ESYT2: variants seen among roughly 807,000 people sequenced by gnomAD.
The protein encoded by ESYT2 is extended synaptotagmin 2.
A neutral mutation model predicts 107.2 loss-of-function variants in ESYT2; 54 were observed. The observed-to-expected ratio is 0.50, with a 90% CI of 0.40 to 0.63. The LOEUF (loss-of-function observed/expected upper bound fraction) is 0.63. Ranked by LOEUF, ESYT2 falls within the 30% of genes least tolerant of loss-of-function variation. The probability of loss-of-function intolerance (pLI) is 0.00; values close to 1 mark genes in which losing one functional copy is unlikely to be tolerated. For synonymous variants in ESYT2, 491 were observed against 434.1 expected, an observed-to-expected ratio of 1.13 and a Z score of -1.63; for missense variants, 1,020 against 1,094.5, an observed-to-expected ratio of 0.93 and a Z score of 0.96.
intron 1 of ESYT2, among the ~76,000 whole-genome samples, chr7:158,822,022 C>A (rs745703110): frequency 6.6e-5 from 10 of 152,142 alleles, no homozygotes; most frequent in Admixed American, 5.2e-4. Context: ...CTTCTAACTA[C>A]TCTGAGCAGA....
At chr7:158,780,606 G>A (rs1204477775) in intron 6 of ESYT2, among the ~76,000 whole-genome samples, 3 of 152,230 alleles carry the variant, frequency 2.0e-5, no homozygotes, top group Admixed American at 1.3e-4. Flanking sequence ...AAACAAGGAA[G>A]TTTTAGTATA....
intron 1 of ESYT2, among the ~76,000 whole-genome samples, chr7:158,808,376 C>G (rs1038445574): frequency 6.6e-6 from 1 of 152,236 alleles, no homozygotes; most frequent in Non-Finnish European, 1.5e-5. Context: ...ATCGTCAGCT[C>G]AAGTGTCGTG....
intron 13 of ESYT2, among the ~76,000 whole-genome samples, chr7:158,755,151 G>A (rs1837710888): frequency 6.6e-6 from 1 of 152,158 alleles, no homozygotes; most frequent in African/African-American, 2.4e-5. Flanking sequence ...TGGTGGCAAT[G>A]CACTCCTGGA....
At chr7:158,788,226 G>T in intron 5 of ESYT2, 119 bp downstream of exon 5, 2 of 1,178,118 alleles carry the variant, frequency 1.7e-6, no homozygotes, top group Non-Finnish European at 2.4e-6. Flanking sequence ...ATGACCTACA[G>T]CTAAAAACTG....
chr7:158,826,041 C>A (rs200810126), intron 1 of ESYT2, among the ~76,000 whole-genome samples: 94 of 147,598 alleles, frequency 6.4e-4, no homozygotes, highest in East Asian at 2.0e-3. Context: ...AAAACAAAAA[C>A]AAACCCAAAG....
At chr7:158,815,208 G>C (rs1029087085) in intron 1 of ESYT2, among the ~76,000 whole-genome samples, 1 of 152,250 alleles carries the variant, frequency 6.6e-6, no homozygotes, top group Non-Finnish European at 1.5e-5. Flanking sequence ...CTATCCACAC[G>C]GTCTTCCGCC....
intron 6 of ESYT2, among the ~76,000 whole-genome samples, chr7:158,774,334 A>G (rs1403887348): frequency 6.6e-6 from 1 of 152,224 alleles, no homozygotes; most frequent in East Asian, 1.9e-4. Flanking sequence ...CTGAAAGGCT[A>G]AGATTTCTCA....
At chr7:158,776,431 A>G (rs1192804343) in intron 6 of ESYT2, among the ~76,000 whole-genome samples, 1 of 152,244 alleles carries the variant, frequency 6.6e-6, no homozygotes, top group African/African-American at 2.4e-5. Context: ...AGCCACCTTT[A>G]TCAATGATCT....
chr7:158,776,204 G>A (rs560664285), intron 6 of ESYT2, among the ~76,000 whole-genome samples: 26 of 151,662 alleles, frequency 1.7e-4, no homozygotes, highest in African/African-American at 5.1e-4. Flanking sequence ...TAGATATAGC[G>A]TGATTCTTAA....
Position 158,829,429 on chromosome 7 carries a change from T to C in ESYT2, c.-11A>G, listed in dbSNP as rs1188950620. 7 of 1,185,320 alleles carry C rather than the reference T, an allele frequency of 5.9e-6. No individual in the cohort carries two copies. Among genetic ancestry groups the C allele is most frequent in the African/African-American group, 1.6e-5 (1 of 61,854 alleles). The allele number at this position is 1,185,320 out of a possible 1,614,324, so 73.4% of individuals were successfully genotyped here. A position where few individuals can be genotyped will look rare whatever the true frequency, so the allele number is the denominator to read the frequency against. On this transcript the variant is annotated 5_prime_UTR_variant, in exon 1 of 23. Transcript: ENST00000275418. ...CCGGGCGCCGCTCATCGCCCCGCAG[T>C]GCCGCGCTGCCCTCCCGGCCGAGGC...
Position 158,741,650 on chromosome 7 carries a change from T to A in ESYT2, c.2041A>T (p.Ser681Cys). The A allele has an allele frequency of 6.2e-7, 1 of 1,613,890 alleles. No individual in the cohort carries two copies. Among genetic ancestry groups the A allele is most frequent in the Non-Finnish European group, 8.5e-7 (1 of 1,180,000 alleles). Residue 681 changes from serine (S) to cysteine (C), a missense_variant, in exon 18 of 23, where the codon AGC becomes TGC. Ser to Cys is a moderately radical substitution (Grantham distance 112, BLOSUM62 -1). Coordinates refer to ENST00000275418, the MANE Select transcript of ESYT2 (RefSeq NM_001367773.1). The part of the protein sequence containing the change: ...GPQGLHDLGR[S>C]SSSLLASPGH... Reference sequence around the variant, plus strand: ...GGGGAGGCCAGGAGGCTGGAGGAGCTTCTGCCCAGGTCGTGCAGCCCCTGA... The same window carrying A: ...GGGGAGGCCAGGAGGCTGGAGGAGCATCTGCCCAGGTCGTGCAGCCCCTGA...
At chr7:158,746,649 A>C (rs1380975296) in intron 16 of ESYT2, among the ~76,000 whole-genome samples, 1 of 152,226 alleles carries the variant, frequency 6.6e-6, no homozygotes, top group Non-Finnish European at 1.5e-5. Context: ...AATTTCTGGA[A>C]AGTTGCTAAG....
intron 6 of ESYT2, among the ~76,000 whole-genome samples, chr7:158,780,520 C>A (rs1441133046): frequency 6.6e-6 from 1 of 152,196 alleles, no homozygotes; most frequent in East Asian, 1.9e-4. Context: ...AGAATCATTT[C>A]AGAAAAACAT....
intron 7 of ESYT2, among the ~76,000 whole-genome samples, chr7:158,772,498 C>T (rs1001615421): frequency 3.9e-5 from 6 of 152,178 alleles, no homozygotes; most frequent in African/African-American, 1.4e-4. Flanking sequence ...CCACTAGAAA[C>T]ATATAACTTT....
intron 1 of ESYT2, among the ~76,000 whole-genome samples, chr7:158,821,729 C>A (rs1840290179): frequency 6.6e-6 from 1 of 152,202 alleles, no homozygotes; most frequent in Non-Finnish European, 1.5e-5. Flanking sequence ...CTGAGTGCAG[C>A]CTTCTACCAG....
At chr7:158,744,842 T>C (rs781061475) in intron 16 of ESYT2, among the ~76,000 whole-genome samples, 20 of 152,234 alleles carry the variant, frequency 1.3e-4, no homozygotes, top group Non-Finnish European at 2.6e-4. Context: ...AAAAGGTTGA[T>C]TGCATATTTC....
Position 158,829,294 on chromosome 7 carries a change from CGCGCCAGCT to C in ESYT2, c.116_124del (p.Gln39_Ala41del), listed in dbSNP as rs1022051289. ...CACGGGCAGCAGCAGCGCGAAGCTC[CGCGCCAGCT>C]GCGCCAGCAGCCCGGGCAGCTCCAC... On this transcript the variant is annotated inframe_deletion, in exon 1 of 23. Coordinates refer to ENST00000275418, the MANE Select transcript of ESYT2 (RefSeq NM_001367773.1). 8 of 1,509,582 alleles carry C rather than the reference CGCGCCAGCT, an allele frequency of 5.3e-6. No individual in the cohort carries two copies. Among genetic ancestry groups the C allele is most frequent in the South Asian group, 3.7e-5 (3 of 81,826 alleles). 93.5% of individuals were successfully genotyped at this position (1,509,582 alleles called of 1,614,324 possible).
At chr7:158,800,792 G>A (rs567348260) in intron 1 of ESYT2, among the ~76,000 whole-genome samples, 22 of 148,738 alleles carry the variant, frequency 1.5e-4, no homozygotes, top group African/African-American at 2.0e-4. Flanking sequence ...GCAGTGGCAC[G>A]ATCTCGACTC....
At chr7:158,778,847 CT>C (rs1287355929) in intron 6 of ESYT2, among the ~76,000 whole-genome samples, 379 of 143,336 alleles carry the variant, frequency 2.6e-3, no homozygotes, top group Middle Eastern at 3.6e-3. Context: ...GCTGGCTTCA[CT>C]TTTTTTTTTT....
Sources: gnomAD v4.1 joint callset for allele counts (sites outside exome capture counted in the v4.1 genomes callset) on GRCh38, gnomAD v4.1.1 for gene constraint, MANE v1.5 for transcripts, NCBI Gene and HGNC (gene_info 2026-07-23, HGNC 2026-07-21) for gene names.